Variants in LARP4 observed in about 807,000 individuals in gnomAD.
The protein encoded by LARP4 is La ribonucleoprotein 4, also known as la-related protein 4.
In LARP4, 29 loss-of-function variants were observed where a neutral mutation model predicts 92.9. That is an observed-to-expected ratio of 0.31 (90% CI 0.23 to 0.43). LARP4 has a LOEUF of 0.43. Ranked by LOEUF, LARP4 falls within the 20% of genes least tolerant of loss-of-function variation. The pLI, the probability that LARP4 is intolerant of heterozygous loss-of-function variation, is 1.00. For synonymous variants in LARP4, 279 were observed against 284.1 expected (o/e 0.98, Z 0.18); for missense variants, 732 against 860.0 (o/e 0.85, Z 1.86).
At chr12:50,466,496 A>G (rs1313783175) in intron 12 of LARP4, among the ~76,000 whole-genome samples, 1 of 152,000 alleles carries the variant, frequency 6.6e-6, no homozygotes, top group African/African-American at 2.4e-5. Context: ...TGGCGCGCAC[A>G]GCTACTCTGG....
chr12:50,415,133 G>C lies in LARP4; in HGVS notation c.19-12629G>C, dbSNP rs147788888. 9.5e-3 allele frequency among the ~76,000 whole-genome samples: 1,446 copies of C among 152,244 alleles called. 14 individuals carry two copies. The highest frequency in any genetic ancestry group is 0.065 in the Middle Eastern group (19 of 294). On this transcript the variant is annotated intron_variant, in intron 1 of 15. Transcript: ENST00000398473. ...CAGGAGAATCGCTTGAATCCCAGAGGTGGAGGTTGCAGTGAGCCGAGATCG... is the reference window on the plus strand; with the variant it reads ...CAGGAGAATCGCTTGAATCCCAGAGCTGGAGGTTGCAGTGAGCCGAGATCG...
chr12:50,468,073 G>A (rs1956396451), intron 13 of LARP4, among the ~76,000 whole-genome samples: 1 of 151,820 alleles, frequency 6.6e-6, no homozygotes, highest in South Asian at 2.1e-4. Context: ...TCCACCTCCC[G>A]GGTTCAAGCA....
intron 8 of LARP4, 114 bp from the exon 9 acceptor site, chr12:50,453,346 C>A: frequency 1.7e-6 from 1 of 575,882 alleles, no homozygotes; most frequent in Admixed American, 3.0e-5. Flanking sequence ...TCTACTGATT[C>A]TACTGTAGGC....
chr12:50,433,201 T>C (rs770743911), intron 4 of LARP4, among the ~76,000 whole-genome samples: 10 of 151,992 alleles, frequency 6.6e-5, no homozygotes, highest in African/African-American at 9.7e-5. Flanking sequence ...AGGAAAGATC[T>C]TCTTTGGGGC....
intron 4 of LARP4, among the ~76,000 whole-genome samples, chr12:50,432,932 C>A (rs1949890357): frequency 6.6e-6 from 1 of 151,056 alleles, no homozygotes. Context: ...TTTTTGCTTG[C>A]ACTGGGACTT....
chr12:50,474,393 G>C (rs896053584), intron 15 of LARP4, among the ~76,000 whole-genome samples: 3 of 152,068 alleles, frequency 2.0e-5, no homozygotes, highest in African/African-American at 7.2e-5. Context: ...TGTCGCCCAG[G>C]CTGGAGTGCA....
chr12:50,407,200 A>AT (rs1945010497), intron 1 of LARP4, among the ~76,000 whole-genome samples: 2 of 151,156 alleles, frequency 1.3e-5, no homozygotes, highest in South Asian at 4.2e-4. Context: ...TATTTTTTGT[A>AT]TTTTTAGTAG....
intron 1 of LARP4, among the ~76,000 whole-genome samples, chr12:50,411,677 T>G (rs1945924916): frequency 6.6e-6 from 1 of 151,556 alleles, no homozygotes; most frequent in African/African-American, 2.4e-5. Flanking sequence ...TTCATTTTTG[T>G]TTTTTCTTTT....
intron 1 of LARP4, among the ~76,000 whole-genome samples, chr12:50,406,728 T>G (rs1438565030): frequency 1.3e-5 from 2 of 152,088 alleles, no homozygotes; most frequent in African/African-American, 4.8e-5. Flanking sequence ...CAGTTTTTTG[T>G]TTTTTTGAGA....
In LARP4 at chr12:50,476,119, T is replaced by A. The variant is rs1349709272; in HGVS notation, c.*255T>A. ...ACACACATATATAAAAAGTATAATT[T>A]TTCTATTTTTGTTTTTGGTTTTAAT... On this transcript the variant is annotated 3_prime_UTR_variant, in exon 16 of 16. Coordinates refer to ENST00000398473, the MANE Select transcript of LARP4 (RefSeq NM_052879.5). 1.1e-5 allele frequency: 2 copies of A among 181,630 alleles called. No homozygotes were observed. The highest frequency in any genetic ancestry group is 2.3e-5 in the Non-Finnish European group (2 of 88,048). The allele number at this position is 181,630 out of a possible 1,614,324, so 11.3% of individuals were successfully genotyped here.
At chr12:50,473,040 C>T (rs946551400) in intron 13 of LARP4, among the ~76,000 whole-genome samples, 14 of 151,602 alleles carry the variant, frequency 9.2e-5, no homozygotes, top group African/African-American at 3.4e-4. Flanking sequence ...CCAGGCTGGT[C>T]TTGAACTCTG....
intron 1 of LARP4, among the ~76,000 whole-genome samples, chr12:50,414,762 T>C (rs1321044196): frequency 6.6e-6 from 1 of 152,268 alleles, no homozygotes; most frequent in Non-Finnish European, 1.5e-5. Flanking sequence ...TCTTAAACTT[T>C]TATAGTATTC....
At chr12:50,452,907 T>C (rs1953493764) in intron 8 of LARP4, among the ~76,000 whole-genome samples, 1 of 151,856 alleles carries the variant, frequency 6.6e-6, no homozygotes, top group Non-Finnish European at 1.5e-5. Flanking sequence ...AGGTTTTTAC[T>C]CTGCTTGTTG....
At chr12:50,422,781 ATAT>A (rs145036648) in intron 1 of LARP4, among the ~76,000 whole-genome samples, 54,017 of 138,308 alleles carry the variant, frequency 0.39, 11,221 homozygotes, top group Non-Finnish European at 0.49. Flanking sequence ...TTGGGAAATT[ATAT>A]TATTATTATT....
At chr12:50,468,036 A>C (rs1454891324) in intron 13 of LARP4, among the ~76,000 whole-genome samples, 1 of 151,992 alleles carries the variant, frequency 6.6e-6, no homozygotes, top group African/African-American at 2.4e-5. Flanking sequence ...ACTGGAATGC[A>C]GTGGTGGATC....
At chr12:50,435,762 CTTTG>C (rs1381388060) in intron 5 of LARP4, 138 bp downstream of exon 5, 6 of 622,400 alleles carry the variant, frequency 9.6e-6, no homozygotes, top group Non-Finnish European at 1.1e-5. Flanking sequence ...AATTCTCTCT[CTTTG>C]TTTTTTTTTT....
At chr12:50,441,677 G>A (rs1198612090) in intron 8 of LARP4, 34 bp downstream of exon 8, 10 of 1,476,114 alleles carry the variant, frequency 6.8e-6, no homozygotes, top group Non-Finnish European at 9.3e-6. Flanking sequence ...AACCAGAACA[G>A]GTTTTGGTTC....
At chr12:50,436,860 T>C (rs565985560) in intron 5 of LARP4, among the ~76,000 whole-genome samples, 17 of 152,216 alleles carry the variant, frequency 1.1e-4, no homozygotes, top group Admixed American at 5.2e-4. Context: ...TATGGAACAT[T>C]ACAGAGGATT....
chr12:50,433,096 C>A (rs1435699697), intron 4 of LARP4, among the ~76,000 whole-genome samples: 1 of 151,992 alleles, frequency 6.6e-6, no homozygotes, highest in Non-Finnish European at 1.5e-5. Flanking sequence ...TTGCCCATTA[C>A]ACTTACCACA....
Sources: allele counts gnomAD v4.1 joint callset (sites outside exome capture counted in the v4.1 genomes callset), GRCh38; gene constraint gnomAD v4.1.1; transcripts MANE v1.5; gene names NCBI Gene and HGNC (gene_info 2026-07-23, HGNC 2026-07-21).